CCBE1: variants seen among roughly 807,000 people sequenced by gnomAD.
CCBE1 encodes collagen and calcium binding EGF domains 1, also known as collagen and calcium-binding EGF domain-containing protein 1.
In CCBE1, 37 loss-of-function variants were observed where a neutral mutation model predicts 50.0. That is an observed-to-expected ratio of 0.74 (90% CI 0.57 to 0.97). The LOEUF (loss-of-function observed/expected upper bound fraction) is 0.97, where lower values mean the gene tolerates loss of function less well. CCBE1 is among the 50% of genes least tolerant of loss of function. The pLI is 0.00. For synonymous variants in CCBE1, 234 were observed against 203.7 expected, an observed-to-expected ratio of 1.15 and a Z score of -1.27; for missense variants, 538 against 523.8, an observed-to-expected ratio of 1.03 and a Z score of -0.26.
At chr18:59,678,915 C>A (rs1284661746) in intron 2 of CCBE1, among the ~76,000 whole-genome samples, 1 of 152,200 alleles carries the variant, frequency 6.6e-6, no homozygotes, top group East Asian at 1.9e-4. Flanking sequence ...AAGTAAAGGC[C>A]TGTTCATTTG....
At chr18:59,680,011 G>A (rs574739770) in intron 2 of CCBE1, among the ~76,000 whole-genome samples, 81 of 151,792 alleles carry the variant, frequency 5.3e-4, no homozygotes, top group Non-Finnish European at 6.0e-4. Flanking sequence ...ATCACCTGAG[G>A]TCAGGACGAG....
rs2054230002 is a variant in CCBE1, at chr18:59,658,357, ATATATATATATATATATATATATATATAT to A, written c.212+38243_212+38271del. Among the ~76,000 whole-genome samples, 2 of 1,568 alleles carry A rather than the reference ATATATATATATATATATATATATATATAT, an allele frequency of 1.3e-3. 1 individual carries two copies. The highest frequency in any genetic ancestry group is 5.5e-3 in the African/African-American group (2 of 362). 1.0% of individuals were successfully genotyped at this position (1,568 alleles called of 152,430 possible). A position where few individuals can be genotyped will look rare whatever the true frequency, so the allele number is the denominator to read the frequency against. ...AAAAAAAAAAAAAAAAAAAAAAAAT[ATATATATATATATATATATATATATATAT>A]ATATATATATATATATATATATATA... is the stretch of plus-strand genomic sequence containing the variant. On this transcript the variant is annotated intron_variant, in intron 2 of 10. Coordinates refer to ENST00000439986, the MANE Select transcript of CCBE1 (RefSeq NM_133459.4).
intron 2 of CCBE1, among the ~76,000 whole-genome samples, chr18:59,593,007 T>A (rs2053296258): frequency 6.6e-6 from 1 of 152,160 alleles, no homozygotes; most frequent in African/African-American, 2.4e-5. Context: ...GATGCGTACA[T>A]GGGCAATAAA....
At chr18:59,522,553 A>C (rs546828310) in intron 2 of CCBE1, among the ~76,000 whole-genome samples, 1 of 152,328 alleles carries the variant, frequency 6.6e-6, no homozygotes, top group Admixed American at 6.5e-5. Flanking sequence ...TCAAGGAATA[A>C]ATGTTTGCAA....
At chr18:59,486,377 G>T (rs1912824297) in intron 2 of CCBE1, among the ~76,000 whole-genome samples, 1 of 152,018 alleles carries the variant, frequency 6.6e-6, no homozygotes. Context: ...AACAAAATAG[G>T]GGAAGAAATA....
chr18:59,546,968 C>T (rs1915709531), intron 2 of CCBE1, among the ~76,000 whole-genome samples: 1 of 144,962 alleles, frequency 6.9e-6, no homozygotes, highest in South Asian at 2.2e-4. Context: ...TGTAAAAGCC[C>T]AGGTGAGAAT....
chr18:59,571,752 T>C (rs534069567), intron 2 of CCBE1, among the ~76,000 whole-genome samples: 1 of 152,138 alleles, frequency 6.6e-6, no homozygotes, highest in East Asian at 1.9e-4. Context: ...TTTAATCTCT[T>C]AATATGTTTT....
intron 2 of CCBE1, among the ~76,000 whole-genome samples, chr18:59,664,384 G>A (rs1038619922): frequency 4.6e-5 from 7 of 152,134 alleles, no homozygotes; most frequent in Admixed American, 6.6e-5. Context: ...CAGTCCATAT[G>A]TATGTGGCAA....
intron 2 of CCBE1, among the ~76,000 whole-genome samples, chr18:59,530,499 T>C (rs190853394): frequency 1.4e-3 from 211 of 152,326 alleles, no homozygotes; most frequent in Middle Eastern, 3.4e-3. Context: ...AAGTTCATCA[T>C]CTTCATTCAT....
rs148145708 is a variant in CCBE1 at position 59,675,446 on chromosome 18, C to G, written c.212+21183G>C. ...ACAGCAACTTTACATCTCTCTCCCC[C>G]ACACATGGGACTACTGAATTAAAAT... On this transcript the variant is annotated intron_variant, in intron 2 of 10. Coordinates refer to ENST00000439986, the MANE Select transcript of CCBE1 (RefSeq NM_133459.4). Among the ~76,000 whole-genome samples, 671 of 152,310 alleles carry G rather than the reference C, an allele frequency of 4.4e-3. 6 individuals carry two copies. Among genetic ancestry groups the G allele is most frequent in the East Asian group, 7.1e-3 (37 of 5,194 alleles).
Position 59,450,683 on chromosome 18 carries a change from C to T in CCBE1, c.655-2580G>A, listed in dbSNP as rs138488054. Among the ~76,000 whole-genome samples the T allele has an allele frequency of 6.6e-5, 10 of 152,300 alleles. No homozygotes were observed. In the East Asian group the frequency reaches 1.9e-3, roughly 29 times the overall value. ...CGAGTAGATGGAGATTACAGGCTCCCGCCACCACACCCAACTAATTTTTCT... is the reference window on the plus strand; with the variant it reads ...CGAGTAGATGGAGATTACAGGCTCCTGCCACCACACCCAACTAATTTTTCT... On this transcript the variant is annotated intron_variant, in intron 6 of 10. Coordinates refer to ENST00000439986, the MANE Select transcript of CCBE1 (RefSeq NM_133459.4).
chr18:59,487,467 T>TC (rs78074855), intron 2 of CCBE1, among the ~76,000 whole-genome samples: 14,018 of 152,170 alleles, frequency 0.092, 1,533 homozygotes, highest in East Asian at 0.53. Context: ...TTACACTACA[T>TC]CCCCCAAGAA....
intron 2 of CCBE1, among the ~76,000 whole-genome samples, chr18:59,533,020 C>G (rs1039945845): frequency 6.6e-6 from 1 of 152,178 alleles, no homozygotes; most frequent in East Asian, 1.9e-4. Context: ...AACATAAAAG[C>G]AAAGTATTGC....
chr18:59,685,541 T>C (rs750432971), intron 2 of CCBE1, among the ~76,000 whole-genome samples: 49 of 152,170 alleles, frequency 3.2e-4, no homozygotes, highest in Middle Eastern at 3.2e-3. Context: ...ACCTTATGCT[T>C]TCTCCTCAAG....
chr18:59,636,798 A>G (rs1395997790), intron 2 of CCBE1, among the ~76,000 whole-genome samples: 3 of 152,278 alleles, frequency 2.0e-5, no homozygotes, highest in Non-Finnish European at 4.4e-5. Context: ...CATGGATACA[A>G]CTAAACAGAT....
In CCBE1 at chr18:59,612,340, A is replaced by C. The variant is rs113970844; in HGVS notation, c.212+84289T>G. 5.3e-3 allele frequency among the ~76,000 whole-genome samples: 802 copies of C among 150,894 alleles called. 12 individuals are homozygous for C. The highest frequency in any genetic ancestry group is 0.018 in the African/African-American group (733 of 40,812). Reference sequence around the variant, plus strand: ...AGGGAAGAAAAAAAAGAAAAAAAAAAAAACAAACAATCCTCCCTCCAGGCA... The same window carrying C: ...AGGGAAGAAAAAAAAGAAAAAAAAACAAACAAACAATCCTCCCTCCAGGCA... On this transcript the variant is annotated intron_variant, in intron 2 of 10. Coordinates refer to ENST00000439986, the MANE Select transcript of CCBE1 (RefSeq NM_133459.4).
chr18:59,581,757 T>C (rs73961267), intron 2 of CCBE1, among the ~76,000 whole-genome samples: 3,790 of 152,300 alleles, frequency 0.025, 165 homozygotes, highest in African/African-American at 0.087. Context: ...CACTGTAGGA[T>C]GGTTAGCAGC....
At chr18:59,464,492 T>C (rs1911648997) in intron 5 of CCBE1, among the ~76,000 whole-genome samples, 1 of 152,210 alleles carries the variant, frequency 6.6e-6, no homozygotes, top group Non-Finnish European at 1.5e-5. Context: ...CCAGTCAACC[T>C]GGATGATCGA....
At chr18:59,634,059 C>T (rs2144632317) in intron 2 of CCBE1, among the ~76,000 whole-genome samples, 1 of 152,232 alleles carries the variant, frequency 6.6e-6, no homozygotes, top group East Asian at 1.9e-4. Flanking sequence ...TCTCAACAGC[C>T]TAAACATACT....
Sources: allele counts gnomAD v4.1 joint callset (sites outside exome capture counted in the v4.1 genomes callset), GRCh38; gene constraint gnomAD v4.1.1; transcripts MANE v1.5; gene names NCBI Gene and HGNC (gene_info 2026-07-23, HGNC 2026-07-21).